EMB: variants seen among roughly 807,000 people sequenced by gnomAD.
EMB encodes embigin homolog.
A neutral mutation model predicts 41.4 loss-of-function variants in EMB; 31 were observed. That is an observed-to-expected ratio of 0.75 (90% CI 0.56 to 1.01). The LOEUF is 1.01. EMB is among the 50% of genes least tolerant of loss of function. The pLI, the probability that EMB is intolerant of heterozygous loss-of-function variation, is 0.00. For missense variants in EMB, 379 were observed against 388.3 expected (o/e 0.98, Z 0.20); for synonymous variants, 137 against 140.4 (o/e 0.98, Z 0.17).
At chr5:50,425,497 G>GA (rs35840460) in intron 2 of EMB, among the ~76,000 whole-genome samples, 16,902 of 149,504 alleles carry the variant, frequency 0.11, 1,038 homozygotes, top group African/African-American at 0.16. Flanking sequence ...ATGCAGAGAG[G>GA]AAAAAAACAA....
chr5:50,441,100 G>A lies in EMB; in HGVS notation c.52C>T (p.Leu18Phe), dbSNP rs1232637743. The change falls in exon 1 of 9, where the codon CTC becomes TTC. Residue 18 changes from leucine (L) to phenylalanine (F), a missense_variant. Transcript: ENST00000303221. The part of the protein sequence containing the change: ...LEARARTPRL[L>F]LLQCLLAAAR... Reference sequence around the variant, plus strand: ...GCAGCGAGAAGGCACTGGAGGAGGAGCAGCCGGGGCGTACGCGCCCTGGCC... The same window carrying A: ...GCAGCGAGAAGGCACTGGAGGAGGAACAGCCGGGGCGTACGCGCCCTGGCC... 3 of 1,518,942 alleles carry A rather than the reference G, an allele frequency of 2.0e-6. No homozygotes were observed. The highest frequency in any genetic ancestry group is 1.8e-6 in the Non-Finnish European group (2 of 1,137,024). The allele number at this position is 1,518,942 out of a possible 1,614,324, so 94.1% of individuals were successfully genotyped here. A position where few individuals can be genotyped will look rare whatever the true frequency, so the allele number is the denominator to read the frequency against.
intron 7 of EMB, among the ~76,000 whole-genome samples, chr5:50,401,097 T>C (rs1207397833): frequency 1.3e-5 from 2 of 152,016 alleles, no homozygotes; most frequent in Non-Finnish European, 2.9e-5. Flanking sequence ...ATAAATAAGA[T>C]ATCTATGTTC....
At chr5:50,439,961 G>GTTTC (rs1745869783) in intron 1 of EMB, among the ~76,000 whole-genome samples, 2 of 152,158 alleles carry the variant, frequency 1.3e-5, no homozygotes, top group Non-Finnish European at 2.9e-5. Context: ...AGGTTGGATG[G>GTTTC]AATCCTTTCA....
At chr5:50,401,256 T>C (rs755426886) in intron 7 of EMB, among the ~76,000 whole-genome samples, 1 of 152,030 alleles carries the variant, frequency 6.6e-6, no homozygotes, top group Non-Finnish European at 1.5e-5. Flanking sequence ...GAAGCTCATA[T>C]CATATTGGTT....
At chr5:50,440,876 AGCT>A in intron 1 of EMB, among the ~76,000 whole-genome samples, 161 bp downstream of exon 1, 1 of 152,152 alleles carries the variant, frequency 6.6e-6, no homozygotes, top group South Asian at 2.1e-4. Context: ...ACACAAACGT[AGCT>A]AATGGGAGGC....
intron 1 of EMB, among the ~76,000 whole-genome samples, chr5:50,429,931 C>G (rs1745684840): frequency 6.6e-6 from 1 of 151,616 alleles, no homozygotes; most frequent in African/African-American, 2.4e-5. Flanking sequence ...CACCCCTTTT[C>G]TCTCTTCCTC....
chr5:50,411,444 A>T lies in EMB; in HGVS notation c.197-61T>A. On this transcript the variant is annotated intron_variant, in intron 2 of 8. Coordinates refer to ENST00000303221, the MANE Select transcript of EMB (RefSeq NM_198449.3). ...TATTCAGAGGAATCTAACACATAAA[A>T]CCTTTTATATTATTAACAGCAGTGT... 3 of 1,168,290 alleles carry T rather than the reference A, an allele frequency of 2.6e-6. No individual in the cohort carries two copies. In the East Asian group the frequency reaches 7.6e-5, roughly 30 times the overall value. The allele number at this position is 1,168,290 out of a possible 1,614,324, so 72.4% of individuals were successfully genotyped here.
chr5:50,428,256 A>G, intron 1 of EMB, 29 bp from the exon 2 acceptor site: 1 of 1,504,442 alleles, frequency 6.6e-7, no homozygotes, highest in South Asian at 1.1e-5. Flanking sequence ...ATGATTACAC[A>G]CTCTTATCAA....
At position 50,437,987 on chromosome 5, in the gene EMB, C is replaced by A. The variant is rs1384262381; in HGVS notation, c.112+3053G>T. Among the ~76,000 whole-genome samples the A allele has an allele frequency of 2.0e-5, 3 of 151,916 alleles. No homozygotes were observed. In the East Asian group the frequency reaches 5.8e-4, roughly 29 times the overall value. ...TTAATCAAAAAACCTTAAAACAGTC[C>A]CTGTACCTAATTTTATTCCAGGACT... is the stretch of plus-strand genomic sequence containing the variant. On this transcript the variant is annotated intron_variant, in intron 1 of 8. Coordinates refer to ENST00000303221, the MANE Select transcript of EMB (RefSeq NM_198449.3).
chr5:50,437,791 A>C (rs2111874578), intron 1 of EMB, among the ~76,000 whole-genome samples: 1 of 152,306 alleles, frequency 6.6e-6, no homozygotes, highest in Middle Eastern at 3.4e-3. Flanking sequence ...GGAATGCAAA[A>C]GCCACGTCCT....
rs376170173 is a variant in EMB, at chr5:50,441,117, G to A, written c.35C>T (p.Ala12Val). 97 of 1,511,988 alleles carry A rather than the reference G, an allele frequency of 6.4e-5. No individual in the cohort carries two copies. In the East Asian group the frequency reaches 9.3e-4, roughly 15 times the overall value. 93.7% of individuals were successfully genotyped at this position (1,511,988 alleles called of 1,614,324 possible). Residue 12 changes from alanine (A) to valine (V), a missense_variant, in exon 1 of 9, where the codon GCG (alanine) becomes GTG (valine). Physicochemically the swap from Ala to Val is moderately conservative, Grantham distance 64 (BLOSUM62 0). Coordinates refer to ENST00000303221, the MANE Select transcript of EMB (RefSeq NM_198449.3). ...RALPGLLEAR[A>V]RTPRLLLLQC... ...GAGGAGGAGCAGCCGGGGCGTACGC[G>A]CCCTGGCCTCCAGCAGGCCGGGGAG...
intron 7 of EMB, 136 bp downstream of exon 7, chr5:50,402,150 C>T (rs539798983): frequency 3.4e-6 from 3 of 878,182 alleles, no homozygotes; most frequent in Non-Finnish European, 5.5e-6. Context: ...TGGAAAGCCA[C>T]TTTCCACCAC....
intron 7 of EMB, among the ~76,000 whole-genome samples, chr5:50,401,890 T>A (rs941380374): frequency 6.6e-6 from 1 of 152,066 alleles, no homozygotes; most frequent in African/African-American, 2.4e-5. Context: ...TCTTAAGTGA[T>A]CAAAAATTGC....
chr5:50,415,497 T>G (rs1241245779), intron 2 of EMB, among the ~76,000 whole-genome samples: 1 of 152,206 alleles, frequency 6.6e-6, no homozygotes, highest in Non-Finnish European at 1.5e-5. Context: ...GCCCACTTAC[T>G]TCTTCTCACC....
chr5:50,423,764 T>A (rs1337367355), intron 2 of EMB, among the ~76,000 whole-genome samples: 1 of 152,194 alleles, frequency 6.6e-6, no homozygotes, highest in African/African-American at 2.4e-5. Context: ...ATTTGCAATT[T>A]AAACTGTGTT....
chr5:50,442,443 G>A (rs1745929608), upstream of EMB, among the ~76,000 whole-genome samples: 1 of 151,992 alleles, frequency 6.6e-6, no homozygotes, highest in Non-Finnish European at 1.5e-5. Context: ...TATCTACCAG[G>A]TGCCAATCTA....
intron 4 of EMB, among the ~76,000 whole-genome samples, chr5:50,408,943 T>C (rs926866761): frequency 1.3e-5 from 2 of 152,130 alleles, no homozygotes; most frequent in African/African-American, 4.8e-5. Flanking sequence ...CCCAACTTAT[T>C]AATTTTATAA....
chr5:50,440,538 A>G, intron 1 of EMB, among the ~76,000 whole-genome samples: 1 of 73,226 alleles, frequency 1.4e-5, no homozygotes, highest in Non-Finnish European at 2.5e-5. Context: ...CGTCTCAAAA[A>G]AAAAAAAAAA....
intron 1 of EMB, among the ~76,000 whole-genome samples, chr5:50,432,537 G>A (rs1211907275): frequency 6.6e-6 from 1 of 151,830 alleles, no homozygotes; most frequent in East Asian, 1.9e-4. Context: ...GGCCACTTAA[G>A]CCATGATATG....
Sources: gnomAD v4.1 joint callset for allele counts (sites outside exome capture counted in the v4.1 genomes callset) on GRCh38, gnomAD v4.1.1 for gene constraint, MANE v1.5 for transcripts, NCBI Gene and HGNC (gene_info 2026-07-23, HGNC 2026-07-21) for gene names.